The following AGBL1 variants were observed in gnomAD, a reference collection of about 807,000 sequenced individuals.
AGBL1 encodes the protein AGBL carboxypeptidase 1, also known as cytosolic carboxypeptidase 4.
A neutral mutation model predicts 118.9 loss-of-function variants in AGBL1; 130 were observed. That is an observed-to-expected ratio of 1.09 (90% CI 0.95 to 1.26). The LOEUF is 1.26. Ranked by LOEUF, AGBL1 falls within the 50% of genes most tolerant of loss-of-function variation. The probability of loss-of-function intolerance (pLI) is 0.00; values close to 1 mark genes in which losing one functional copy is unlikely to be tolerated. For missense variants in AGBL1, 1,584 were observed against 1,298.1 expected, an observed-to-expected ratio of 1.22 and a Z score of -3.38; for synonymous variants, 555 against 478.9, an observed-to-expected ratio of 1.16 and a Z score of -2.08.
At chr15:86,895,731 C>T (rs571260119) in intron 22 of AGBL1, among the ~76,000 whole-genome samples, 1 of 151,884 alleles carries the variant, frequency 6.6e-6, no homozygotes, top group South Asian at 2.1e-4. Flanking sequence ...ACAGAAAGTT[C>T]CTTTCACCTA....
chr15:86,157,744 A>G (rs8043095), intron 4 of AGBL1, among the ~76,000 whole-genome samples: 1 of 152,182 alleles, frequency 6.6e-6, no homozygotes, highest in South Asian at 2.1e-4. Flanking sequence ...AACAGCTCCT[A>G]TCTTCAGAAG....
intron 1 of AGBL1, among the ~76,000 whole-genome samples, chr15:86,125,676 A>T (rs1204254055): frequency 1.3e-5 from 2 of 152,184 alleles, no homozygotes; most frequent in African/African-American, 2.4e-5. Flanking sequence ...TTTAAAACTC[A>T]TCCCTCTTCA....
intron 22 of AGBL1, among the ~76,000 whole-genome samples, chr15:86,758,410 G>A (rs56361112): frequency 0.12 from 17,837 of 151,984 alleles, 1,181 homozygotes; most frequent in East Asian, 0.22. Context: ...TATGTGTTCC[G>A]TAGTACCATG....
intron 22 of AGBL1, among the ~76,000 whole-genome samples, chr15:86,782,217 A>T (rs1356841362): frequency 4.6e-5 from 7 of 152,178 alleles, no homozygotes; most frequent in African/African-American, 7.2e-5. Context: ...GACTCATTTC[A>T]AAATCTTTAT....
intron 7 of AGBL1, among the ~76,000 whole-genome samples, 179 bp downstream of exon 7, chr15:86,248,058 C>T (rs1334203245): frequency 3.3e-5 from 5 of 152,206 alleles, no homozygotes; most frequent in Admixed American, 1.3e-4. Flanking sequence ...TGGTTCACTC[C>T]TGTAATCTCA....
At chr15:86,803,373 T>G (rs999482040) in intron 22 of AGBL1, among the ~76,000 whole-genome samples, 7 of 152,160 alleles carry the variant, frequency 4.6e-5, no homozygotes, top group African/African-American at 1.7e-4. Context: ...CTGCCATGAT[T>G]GTAAGTTTCC....
At position 86,907,918 on chromosome 15, in the gene AGBL1, ACT is replaced by A. The variant is rs1242544465; in HGVS notation, c.*627_*628del. On this transcript the variant is annotated 3_prime_UTR_variant, in exon 23 of 23. Transcript: ENST00000614907. ...TGGTACAGGCCAGAAGCTGCACTAG[ACT>A]CTTAGAAATAAGACATTGTCACTGA... is the stretch of plus-strand genomic sequence containing the variant. 2.0e-5 allele frequency: 3 copies of A among 152,128 alleles called. No individual in the cohort carries two copies. Among genetic ancestry groups the A allele is most frequent in the African/African-American group, 7.2e-5 (3 of 41,422 alleles). 9.4% of individuals were successfully genotyped at this position (152,128 alleles called of 1,614,324 possible). A position where few individuals can be genotyped will look rare whatever the true frequency, so the allele number is the denominator to read the frequency against.
chr15:86,510,540 G>A (rs539097044), intron 18 of AGBL1, among the ~76,000 whole-genome samples: 2 of 152,040 alleles, frequency 1.3e-5, no homozygotes, highest in Admixed American at 1.3e-4. Flanking sequence ...CTTTTTTGCA[G>A]TAGGGATAGA....
intron 17 of AGBL1, among the ~76,000 whole-genome samples, chr15:86,366,609 C>G (rs2080891083): frequency 6.6e-6 from 1 of 152,158 alleles, no homozygotes; most frequent in Middle Eastern, 3.2e-3. Context: ...ACCCGTCTCT[C>G]CCAGACATCT....
chr15:86,445,311 T>C (rs558006963), intron 18 of AGBL1, among the ~76,000 whole-genome samples: 4 of 152,362 alleles, frequency 2.6e-5, no homozygotes, highest in Admixed American at 6.5e-5. Flanking sequence ...TACAAAGATA[T>C]GACTTTTTGC....
intron 6 of AGBL1, among the ~76,000 whole-genome samples, chr15:86,225,834 A>ACT (rs2078353348): frequency 6.6e-6 from 1 of 151,946 alleles, no homozygotes; most frequent in African/African-American, 2.4e-5. Context: ...AAATAAAAAC[A>ACT]CTCTCTCCCC....
intron 21 of AGBL1, among the ~76,000 whole-genome samples, chr15:86,595,008 C>T (rs993122864): frequency 6.6e-6 from 1 of 152,190 alleles, no homozygotes; most frequent in Admixed American, 6.5e-5. Context: ...TCACTTTCTT[C>T]TTTCCTCACT....
Position 86,284,196 on chromosome 15 carries a change from A to T in AGBL1, c.2220+4413A>T, listed in dbSNP as rs534423453. ...AATTCATACTAAAATTAAAATAAAA[A>T]AAAAAAAACAAATGGAAGACCCCTC... On this transcript the variant is annotated intron_variant, in intron 16 of 22. Coordinates refer to ENST00000614907, the MANE Select transcript of AGBL1 (RefSeq NM_001386094.1). 4.7e-4 allele frequency among the ~76,000 whole-genome samples: 71 copies of T among 151,558 alleles called. No homozygotes were observed. In the South Asian group the frequency reaches 8.9e-3, roughly 19 times the overall value.
intron 22 of AGBL1, among the ~76,000 whole-genome samples, chr15:86,691,947 T>C (rs1281350266): frequency 2.0e-5 from 3 of 152,080 alleles, no homozygotes; most frequent in East Asian, 1.9e-4. Context: ...AATTTTATTA[T>C]TAAGAAGTTG....
chr15:86,802,214 T>A (rs781408549), intron 22 of AGBL1, among the ~76,000 whole-genome samples: 4 of 152,108 alleles, frequency 2.6e-5, no homozygotes, highest in Non-Finnish European at 5.9e-5. Context: ...TGAATTATAT[T>A]TTTTTAGACT....
chr15:86,364,002 T>G (rs1353362969), intron 17 of AGBL1, among the ~76,000 whole-genome samples: 1 of 152,224 alleles, frequency 6.6e-6, no homozygotes, highest in East Asian at 1.9e-4. Context: ...GTGAGCATCC[T>G]GCTTTTCTAT....
intron 5 of AGBL1, among the ~76,000 whole-genome samples, chr15:86,193,303 C>G (rs1053186525): frequency 1.3e-5 from 2 of 152,088 alleles, no homozygotes; most frequent in Admixed American, 1.3e-4. Context: ...TGATAGAGTA[C>G]AGGCACAAAG....
At chr15:86,391,251 C>T (rs1475399789) in intron 17 of AGBL1, among the ~76,000 whole-genome samples, 6 of 151,974 alleles carry the variant, frequency 3.9e-5, no homozygotes, top group Non-Finnish European at 8.8e-5. Flanking sequence ...AAGATAGAAA[C>T]ATCTTTTAAT....
intron 22 of AGBL1, among the ~76,000 whole-genome samples, chr15:86,855,288 C>T (rs2079462124): frequency 6.6e-6 from 1 of 152,174 alleles, no homozygotes; most frequent in African/African-American, 2.4e-5. Context: ...CTGAAGAATA[C>T]ACAAATCTGA....
Sources: gnomAD v4.1 joint callset for allele counts (sites outside exome capture counted in the v4.1 genomes callset) on GRCh38, gnomAD v4.1.1 for gene constraint, MANE v1.5 for transcripts, NCBI Gene and HGNC (gene_info 2026-07-23, HGNC 2026-07-21) for gene names.